Variants in LIMA1 observed in about 807,000 individuals in gnomAD.
The protein encoded by LIMA1 is LIM domain and actin-binding protein 1.
In LIMA1, 52 loss-of-function variants were observed where a neutral mutation model predicts 62.6. The ratio of observed to expected loss-of-function variants is 0.83; its 90% CI spans 0.67 to 1.05. LIMA1 has a LOEUF of 1.05. Ranked by LOEUF, LIMA1 falls within the 50% of genes least tolerant of loss-of-function variation. The pLI, the probability that LIMA1 is intolerant of heterozygous loss-of-function variation, is 0.00. For missense variants in LIMA1, 780 were observed against 902.2 expected, an observed-to-expected ratio of 0.86 and a Z score of 1.74; for synonymous variants, 302 against 317.8, an observed-to-expected ratio of 0.95 and a Z score of 0.53.
intron 9 of LIMA1, among the ~76,000 whole-genome samples, chr12:50,191,996 A>C (rs911314225): frequency 1.3e-5 from 2 of 151,346 alleles, no homozygotes; most frequent in Non-Finnish European, 2.9e-5. Flanking sequence ...TTAGCCAGGC[A>C]TGGTGGCGCA....
intron 10 of LIMA1, among the ~76,000 whole-genome samples, chr12:50,178,784 G>A (rs1940413817): frequency 6.6e-6 from 1 of 151,778 alleles, no homozygotes; most frequent in Non-Finnish European, 1.5e-5. Flanking sequence ...TATATGCACT[G>A]GTCTTATATG....
At position 50,251,624 on chromosome 12, in the gene LIMA1, CAA is replaced by C. The variant is rs397850152; in HGVS notation, c.-23-2852_-23-2851del. Among the ~76,000 whole-genome samples the C allele has an allele frequency of 7.3e-3, 592 of 81,520 alleles. 3 individuals are homozygous for C. Among genetic ancestry groups the C allele is most frequent in the Middle Eastern group, 0.019 (3 of 154 alleles). The allele number at this position is 81,520 out of a possible 152,430, so 53.5% of individuals were successfully genotyped here. On this transcript the variant is annotated intron_variant, in intron 1 of 10. Transcript: ENST00000341247. ...TGACAGAGTGAATGAGACTCCACCT[CAA>C]AAAAAAAAAAAAAAAAAGGTATGTT...
At chr12:50,221,418 T>C (rs1251319639) in intron 4 of LIMA1, among the ~76,000 whole-genome samples, 1 of 152,212 alleles carries the variant, frequency 6.6e-6, no homozygotes, top group African/African-American at 2.4e-5. Context: ...TCAAATTTCA[T>C]TAGCAGTTGT....
chr12:50,256,061 T>G (rs913744349), intron 1 of LIMA1, among the ~76,000 whole-genome samples: 3 of 151,944 alleles, frequency 2.0e-5, no homozygotes, highest in African/African-American at 7.3e-5. Context: ...GGCTAATTTT[T>G]TTTTTTGTAT....
chr12:50,233,750 CTT>C (rs1941647450), intron 2 of LIMA1, among the ~76,000 whole-genome samples: 1 of 152,166 alleles, frequency 6.6e-6, no homozygotes, highest in South Asian at 2.1e-4. Context: ...GTGTTGAACT[CTT>C]GACCTCATGT....
At chr12:50,180,537 A>G (rs905156495) in intron 10 of LIMA1, among the ~76,000 whole-genome samples, 4 of 152,078 alleles carry the variant, frequency 2.6e-5, no homozygotes, top group African/African-American at 9.7e-5. Context: ...TTCTGGCATC[A>G]AGTGATCCTC....
chr12:50,186,362 A>T (rs929916763), intron 9 of LIMA1: 1 of 152,218 alleles, frequency 6.6e-6, no homozygotes, highest in Admixed American at 6.5e-5. Context: ...TCACATAGTC[A>T]ATAACAGAAA....
chr12:50,203,008 CTTTTT>C (rs11292692), intron 6 of LIMA1, among the ~76,000 whole-genome samples: 2 of 121,472 alleles, frequency 1.6e-5, no homozygotes, highest in Non-Finnish European at 1.7e-5. Context: ...AGGTAACTTC[CTTTTT>C]TTTTTTTTTT....
At chr12:50,247,319 C>T (rs1941864233) in intron 2 of LIMA1, among the ~76,000 whole-genome samples, 1 of 151,968 alleles carries the variant, frequency 6.6e-6, no homozygotes, top group Admixed American at 6.6e-5. Flanking sequence ...TCATAAAAGG[C>T]AACACAACTT....
intron 4 of LIMA1, chr12:50,217,733 G>C: frequency 3.2e-6 from 1 of 309,478 alleles, no homozygotes; most frequent in East Asian, 9.4e-5. Context: ...ATCCTTGTGG[G>C]CTTCATGACC....
In LIMA1 at chr12:50,178,064, C is replaced by T; in HGVS notation, c.1280G>A (p.Gly427Glu). The change falls in exon 11 of 11, where the codon GGA (glycine) becomes GAA (glutamate). Residue 427 changes from glycine to glutamate, a missense_variant. By Grantham distance (98) the Gly-to-Glu change is moderately conservative (BLOSUM62 -2). Coordinates refer to ENST00000341247, the MANE Select transcript of LIMA1 (RefSeq NM_016357.5). Reference protein sequence around the residue: ...CSYCNNKLSLGTYASLHGRIY... With the variant: ...CSYCNNKLSLETYASLHGRIY... ...TCTTCCATGTAAAGATGCATATGTT[C>T]CTAGACTGTCATTAAAAGAAAAAAA... 1 of 1,455,160 alleles carries T rather than the reference C, an allele frequency of 6.9e-7. No individual in the cohort carries two copies. The highest frequency in any genetic ancestry group is 9.1e-7 in the Non-Finnish European group (1 of 1,104,192). The allele number at this position is 1,455,160 out of a possible 1,614,324, so 90.1% of individuals were successfully genotyped here. A position where few individuals can be genotyped will look rare whatever the true frequency, so the allele number is the denominator to read the frequency against.
chr12:50,201,345 G>T (rs759820610), intron 6 of LIMA1: 996 of 985,736 alleles, frequency 1.0e-3, no homozygotes, highest in Non-Finnish European at 1.1e-3. Context: ...AGACAGGGAT[G>T]ATGTATACAT....
At chr12:50,189,149 GCTTT>G (rs1300122450) in intron 9 of LIMA1, 5 of 152,250 alleles carry the variant, frequency 3.3e-5, no homozygotes, top group African/African-American at 1.2e-4. Flanking sequence ...TTCTCTTTCT[GCTTT>G]CTTTACCTTT....
intron 3 of LIMA1, among the ~76,000 whole-genome samples, chr12:50,230,828 C>T (rs984425438): frequency 2.2e-4 from 34 of 152,280 alleles, no homozygotes; most frequent in African/African-American, 7.2e-4. Context: ...CTGCCCGCCT[C>T]GGTCTCCCAA....
intron 1 of LIMA1, among the ~76,000 whole-genome samples, chr12:50,269,936 A>T (rs1216295274): frequency 6.7e-6 from 1 of 148,368 alleles, no homozygotes; most frequent in Non-Finnish European, 1.5e-5. Context: ...AAAAAAAAAA[A>T]AAAAAAAATT....
chr12:50,261,043 T>TATA (rs1491446528), intron 1 of LIMA1, among the ~76,000 whole-genome samples: 19 of 18,510 alleles, frequency 1.0e-3, no homozygotes, highest in South Asian at 3.4e-3. Flanking sequence ...ATCTAGTATA[T>TATA]TTTTTTTTTT....
intron 1 of LIMA1, among the ~76,000 whole-genome samples, chr12:50,251,097 C>T (rs1319636502): frequency 6.6e-6 from 1 of 152,092 alleles, no homozygotes; most frequent in Non-Finnish European, 1.5e-5. Flanking sequence ...AATGCCAGCC[C>T]CTTCTCTAAG....
At chr12:50,231,176 G>C (rs115952503) in intron 3 of LIMA1, among the ~76,000 whole-genome samples, 1 of 152,194 alleles carries the variant, frequency 6.6e-6, no homozygotes, top group Non-Finnish European at 1.5e-5. Flanking sequence ...TAGAAGCAGA[G>C]AGTTTATTCT....
At chr12:50,261,496 C>G (rs975434497) in intron 1 of LIMA1, among the ~76,000 whole-genome samples, 1 of 152,080 alleles carries the variant, frequency 6.6e-6, no homozygotes, top group Non-Finnish European at 1.5e-5. Flanking sequence ...CACTACTCCC[C>G]CCGAGGACAC....
Sources: allele counts gnomAD v4.1 joint callset (sites outside exome capture counted in the v4.1 genomes callset), GRCh38; gene constraint gnomAD v4.1.1; transcripts MANE v1.5; gene names NCBI Gene and HGNC (gene_info 2026-07-23, HGNC 2026-07-21).